TRPC7: variants seen among roughly 807,000 people sequenced by gnomAD.
TRPC7 encodes transient receptor potential cation channel subfamily C member 7.
In TRPC7, 42 loss-of-function variants were observed where a neutral mutation model predicts 90.1. The ratio of observed to expected loss-of-function variants is 0.47; its 90% CI spans 0.36 to 0.60. The LOEUF is 0.60. Among genes scored for constraint, TRPC7 ranks in the 20% least tolerant of loss-of-function variants. The pLI is 0.00. For synonymous variants in TRPC7, 451 were observed against 436.3 expected (o/e 1.03, Z -0.42); for missense variants, 955 against 1,112.3 (o/e 0.86, Z 2.01).
chr5:136,225,982 G>T lies in TRPC7; in HGVS notation c.2262+52C>A, dbSNP rs1400825899. 23 of 1,482,594 alleles carry T rather than the reference G, an allele frequency of 1.6e-5. No individual in the cohort carries two copies. The East Asian group carries it at 3.7e-4, about 24-fold the overall frequency. The allele number at this position is 1,482,594 out of a possible 1,614,324, so 91.8% of individuals were successfully genotyped here. ...TATGACTCAAACACACTCTAGACTC[G>T]CCTGCCCCCTCCTGCTGCCTTCTCC... On this transcript the variant is annotated intron_variant, in intron 9 of 11. Transcript: ENST00000513104.
chr5:136,228,766 T>A (rs1413299761), intron 8 of TRPC7, among the ~76,000 whole-genome samples: 3 of 152,298 alleles, frequency 2.0e-5, no homozygotes, highest in East Asian at 3.9e-4. Context: ...CAAAACTACA[T>A]GTGATCATGA....
chr5:136,299,231 G>A (rs535610931), intron 3 of TRPC7, among the ~76,000 whole-genome samples: 29 of 151,950 alleles, frequency 1.9e-4, no homozygotes, highest in Middle Eastern at 3.4e-3. Flanking sequence ...AACTTGGGAG[G>A]TGGAGGTTGC....
At chr5:136,228,846 G>A (rs759706577) in intron 8 of TRPC7, among the ~76,000 whole-genome samples, 4 of 152,216 alleles carry the variant, frequency 2.6e-5, no homozygotes, top group Admixed American at 6.5e-5. Context: ...AGAGGGAGGT[G>A]TGGGGCTGTA....
At chr5:136,243,593 T>C (rs1428063535) in intron 7 of TRPC7, among the ~76,000 whole-genome samples, 1 of 151,788 alleles carries the variant, frequency 6.6e-6, no homozygotes, top group African/African-American at 2.4e-5. Flanking sequence ...GTTGTTTGAC[T>C]TCATCATCAG....
At chr5:136,263,675 T>C (rs1756936885) in intron 5 of TRPC7, among the ~76,000 whole-genome samples, 1 of 152,156 alleles carries the variant, frequency 6.6e-6, no homozygotes, top group Non-Finnish European at 1.5e-5. Context: ...AAAAACTCAC[T>C]GATTGAAATT....
rs573680378 is a variant in TRPC7, at chr5:136,305,047, A to T, written c.963+10550T>A. The stretch of plus-strand genomic sequence containing the variant: ...CTCTACATTTCTCATAACTTCCAAA[A>T]TCTGTTTTCTTCCTCATACCTGACG... On this transcript the variant is annotated intron_variant, in intron 3 of 11. Coordinates refer to ENST00000513104, the MANE Select transcript of TRPC7 (RefSeq NM_020389.3). Among the ~76,000 whole-genome samples, 3 of 152,146 alleles carry T rather than the reference A, an allele frequency of 2.0e-5. No homozygotes were observed. In the East Asian group the frequency reaches 5.8e-4, roughly 29 times the overall value.
chr5:136,266,555 G>T, intron 4 of TRPC7, 119 bp from the exon 5 acceptor site: 2 of 880,484 alleles, frequency 2.3e-6, no homozygotes, highest in Non-Finnish European at 1.7e-6. Context: ...GACAGAAACT[G>T]CTAACTGAAC....
At chr5:136,258,275 G>A (rs1756746654) in intron 5 of TRPC7, among the ~76,000 whole-genome samples, 1 of 152,198 alleles carries the variant, frequency 6.6e-6, no homozygotes, top group Non-Finnish European at 1.5e-5. Context: ...ATGGGCCCAA[G>A]GGTTTGGGCA....
At chr5:136,264,259 TAGC>T (rs1280039983) in intron 5 of TRPC7, among the ~76,000 whole-genome samples, 1 of 152,170 alleles carries the variant, frequency 6.6e-6, no homozygotes, top group African/African-American at 2.4e-5. Context: ...GTTCCATTAA[TAGC>T]AGCCACACCT....
chr5:136,348,459 G>C (rs1456046377), intron 2 of TRPC7, among the ~76,000 whole-genome samples: 1 of 152,120 alleles, frequency 6.6e-6, no homozygotes, highest in Non-Finnish European at 1.5e-5. Context: ...ATTGCTGTAA[G>C]CTGCCCCATT....
chr5:136,342,602 ATATTAGGC>A (rs972054389), intron 2 of TRPC7, among the ~76,000 whole-genome samples: 33 of 152,124 alleles, frequency 2.2e-4, no homozygotes, highest in African/African-American at 7.7e-4. Context: ...CCCTCATCTT[ATATTAGGC>A]TGCAGAAGTT....
At chr5:136,348,813 C>T (rs182096514) in intron 2 of TRPC7, among the ~76,000 whole-genome samples, 5 of 152,250 alleles carry the variant, frequency 3.3e-5, no homozygotes, top group Admixed American at 3.3e-4. Flanking sequence ...AAACATGTGC[C>T]TCCCTGCAGA....
chr5:136,359,699 G>T (rs1444321757), intron 1 of TRPC7, among the ~76,000 whole-genome samples: 2 of 151,988 alleles, frequency 1.3e-5, no homozygotes, highest in African/African-American at 2.4e-5. Flanking sequence ...AAGCTAAGCA[G>T]TTACCCTATT....
intron 1 of TRPC7, among the ~76,000 whole-genome samples, chr5:136,360,923 G>C (rs1273587662): frequency 6.6e-6 from 1 of 152,084 alleles, no homozygotes; most frequent in Non-Finnish European, 1.5e-5. Context: ...ATGCACTTGT[G>C]AATATATTCA....
Position 136,231,357 on chromosome 5 carries a change from A to C in TRPC7, c.2037T>G (p.Ile679Met). The C allele has an allele frequency of 6.3e-7, 1 of 1,590,900 alleles. No homozygotes were observed. Among genetic ancestry groups the C allele is most frequent in the Non-Finnish European group, 8.6e-7 (1 of 1,162,536 alleles). ...ATTTTCAGTGACCTGGCCTTACCTC[A>C]ATTTCCTGATAGGAGTTGTTTATCA... is the stretch of plus-strand genomic sequence containing the variant. ...IAMINNSYQE[I>M]EEDADVEWKF... Residue 679 changes from isoleucine (I) to methionine (M), a missense_variant, in exon 8 of 12, where the codon ATT becomes ATG. This residue lies in a region of TRPC7 where 296 missense variants were observed against 422.7 expected (regional missense o/e 0.70). Coordinates refer to ENST00000513104, the MANE Select transcript of TRPC7 (RefSeq NM_020389.3).
intron 3 of TRPC7, among the ~76,000 whole-genome samples, chr5:136,285,378 A>C (rs1757681180): frequency 6.6e-6 from 1 of 152,198 alleles, no homozygotes; most frequent in African/African-American, 2.4e-5. Flanking sequence ...GACAGTCTCA[A>C]AAAGTTCCAG....
At chr5:136,241,847 C>T (rs779625280) in intron 7 of TRPC7, among the ~76,000 whole-genome samples, 7 of 152,298 alleles carry the variant, frequency 4.6e-5, no homozygotes, top group Admixed American at 2.0e-4. Context: ...TGAGCCACCG[C>T]GCCCAGCCTA....
intron 2 of TRPC7, among the ~76,000 whole-genome samples, 181 bp downstream of exon 2, chr5:136,356,427 C>T (rs1437656516): frequency 6.6e-6 from 1 of 152,220 alleles, no homozygotes; most frequent in Non-Finnish European, 1.5e-5. Flanking sequence ...ACCCAGAGGG[C>T]TGCTTTTCCT....
chr5:136,217,669 T>C (rs1416351623), intron 10 of TRPC7, among the ~76,000 whole-genome samples: 1 of 152,222 alleles, frequency 6.6e-6, no homozygotes, highest in Non-Finnish European at 1.5e-5. Context: ...CAGCGCTGAA[T>C]TTCTCATGGA....
Sources: gnomAD v4.1 joint callset for allele counts (sites outside exome capture counted in the v4.1 genomes callset) on GRCh38, gnomAD v4.1.1 for gene constraint, gnomAD v4.1.1 regional missense constraint, MANE v1.5 for transcripts, NCBI Gene and HGNC (gene_info 2026-07-23, HGNC 2026-07-21) for gene names.